ZNF385D: variants seen among roughly 807,000 people sequenced by gnomAD.
ZNF385D encodes the protein zinc finger protein 659.
In ZNF385D, 15 loss-of-function variants were observed where a neutral mutation model predicts 35.8. The ratio of observed to expected loss-of-function variants is 0.42; its 90% CI spans 0.28 to 0.64. The LOEUF is 0.64. Ranked by LOEUF, ZNF385D falls within the 30% of genes least tolerant of loss-of-function variation. The pLI is 0.23. For missense variants in ZNF385D, 474 were observed against 494.6 expected (o/e 0.96, Z 0.39); for synonymous variants, 212 against 186.8 (o/e 1.13, Z -1.10).
intron 2 of ZNF385D, among the ~76,000 whole-genome samples, chr3:21,625,980 G>T (rs2065124263): frequency 6.6e-6 from 1 of 151,904 alleles, no homozygotes; most frequent in South Asian, 2.1e-4. Flanking sequence ...TCTTCACTTT[G>T]TATCTCCACT....
intron 2 of ZNF385D, among the ~76,000 whole-genome samples, chr3:21,621,232 C>CA (rs1214892030): frequency 2.6e-5 from 4 of 151,968 alleles, no homozygotes; most frequent in African/African-American, 9.7e-5. Flanking sequence ...GTTAATGATG[C>CA]AAAAAATTAC....
In ZNF385D at chr3:22,109,822, G is replaced by A. The variant is rs144001219; in HGVS notation, c.325+58995C>T. On this transcript the variant is annotated intron_variant, in intron 3 of 5. Transcript: ENST00000494108. ...GAGCTTCTGCACAGCAAAAGAAACT[G>A]CCATCAGAGTGAACAGGCAGCGTAC... 4.5e-3 allele frequency among the ~76,000 whole-genome samples: 681 copies of A among 152,176 alleles called. 8 individuals carry two copies. The highest frequency in any genetic ancestry group is 0.015 in the African/African-American group (630 of 41,540).
intron 3 of ZNF385D, among the ~76,000 whole-genome samples, chr3:21,932,794 A>T (rs1215465474): frequency 6.6e-6 from 1 of 152,174 alleles, no homozygotes; most frequent in Non-Finnish European, 1.5e-5. Context: ...TACAGAATAA[A>T]AACAGCATAG....
chr3:22,095,177 T>G (rs938526182), intron 3 of ZNF385D, among the ~76,000 whole-genome samples: 11 of 151,012 alleles, frequency 7.3e-5, no homozygotes, highest in African/African-American at 2.7e-4. Flanking sequence ...TCAAGTAGTC[T>G]TGGTCTCCCA....
intron 3 of ZNF385D, among the ~76,000 whole-genome samples, chr3:21,980,496 C>G (rs1199920056): frequency 2.0e-5 from 3 of 152,128 alleles, no homozygotes; most frequent in East Asian, 1.9e-4. Flanking sequence ...TAAAACACAA[C>G]AACTCTTGGA....
At chr3:21,983,324 C>A (rs1240874546) in intron 3 of ZNF385D, among the ~76,000 whole-genome samples, 2 of 127,372 alleles carry the variant, frequency 1.6e-5, no homozygotes, top group Non-Finnish European at 3.3e-5. Context: ...CTCCCCCCAC[C>A]ACACCACAGT....
chr3:22,148,313 G>A (rs1361587152), intron 3 of ZNF385D, among the ~76,000 whole-genome samples: 1 of 152,156 alleles, frequency 6.6e-6, no homozygotes, highest in Non-Finnish European at 1.5e-5. Context: ...ACTTAAATAA[G>A]TTGTGTTATT....
At chr3:22,175,457 A>G (rs1014281996) in intron 2 of ZNF385D, among the ~76,000 whole-genome samples, 10 of 149,438 alleles carry the variant, frequency 6.7e-5, no homozygotes, top group Non-Finnish European at 1.5e-4. Context: ...AGAAAAAATG[A>G]GAAAAAAAAA....
chr3:22,117,112 C>A (rs1431986521), intron 3 of ZNF385D, among the ~76,000 whole-genome samples: 2 of 152,016 alleles, frequency 1.3e-5, no homozygotes, highest in Non-Finnish European at 2.9e-5. Flanking sequence ...GGAGTTCCCA[C>A]TGGTGAGGCT....
At chr3:22,005,056 CAAAAAAAAAAAA>C (rs71044965) in intron 3 of ZNF385D, among the ~76,000 whole-genome samples, 1 of 57,356 alleles carries the variant, frequency 1.7e-5, no homozygotes, top group Non-Finnish European at 3.2e-5. Context: ...CACTCAGCAG[CAAAAAAAAAAAA>C]AAAAAAAAAA....
At chr3:22,301,064 G>A (rs990439896) in intron 2 of ZNF385D, among the ~76,000 whole-genome samples, 3 of 151,942 alleles carry the variant, frequency 2.0e-5, no homozygotes, top group Non-Finnish European at 2.9e-5. Context: ...TAAAGAAAAC[G>A]TGTTCTACAT....
chr3:22,084,399 G>A (rs1028066708), intron 3 of ZNF385D, among the ~76,000 whole-genome samples: 21 of 151,676 alleles, frequency 1.4e-4, no homozygotes, highest in Admixed American at 2.6e-4. Context: ...CCAAGCAAAT[G>A]GAAAACAAAA....
chr3:21,481,148 A>G (rs577318208), intron 4 of ZNF385D, among the ~76,000 whole-genome samples: 3 of 152,206 alleles, frequency 2.0e-5, no homozygotes, highest in Non-Finnish European at 4.4e-5. Flanking sequence ...GATTTCTACT[A>G]TCATAACAAT....
chr3:21,780,082 C>T (rs568446762), intron 3 of ZNF385D, among the ~76,000 whole-genome samples: 1 of 151,976 alleles, frequency 6.6e-6, no homozygotes, highest in African/African-American at 2.4e-5. Flanking sequence ...ATAGTCCACA[C>T]CCACACAGAA....
At chr3:21,919,371 G>A (rs759073214) in intron 3 of ZNF385D, among the ~76,000 whole-genome samples, 1 of 152,166 alleles carries the variant, frequency 6.6e-6, no homozygotes, top group Non-Finnish European at 1.5e-5. Context: ...TGCCTTTCTA[G>A]GATGGAATGT....
intron 2 of ZNF385D, among the ~76,000 whole-genome samples, chr3:22,365,214 C>T (rs1009099595): frequency 2.0e-5 from 3 of 151,718 alleles, no homozygotes; most frequent in African/African-American, 7.3e-5. Flanking sequence ...CTGAGCGGTG[C>T]ACTTAAAATG....
chr3:22,035,899 AAAT>A (rs140120736), intron 3 of ZNF385D, among the ~76,000 whole-genome samples: 2,824 of 152,210 alleles, frequency 0.019, 98 homozygotes, highest in African/African-American at 0.065. Flanking sequence ...GCTTGCTGAT[AAAT>A]GATTAGGGAC....
At chr3:22,254,136 A>T (rs1700195997) in intron 2 of ZNF385D, among the ~76,000 whole-genome samples, 1 of 151,904 alleles carries the variant, frequency 6.6e-6, no homozygotes, top group Non-Finnish European at 1.5e-5. Flanking sequence ...CAGTTTCCTC[A>T]TGATCAGTTA....
At chr3:22,346,617 C>G (rs1695670451) in intron 2 of ZNF385D, among the ~76,000 whole-genome samples, 1 of 151,942 alleles carries the variant, frequency 6.6e-6, no homozygotes, top group Non-Finnish European at 1.5e-5. Context: ...TAATCTAAAC[C>G]CAGGCAGTGG....
Sources: gnomAD v4.1 joint callset for allele counts (sites outside exome capture counted in the v4.1 genomes callset) on GRCh38, gnomAD v4.1.1 for gene constraint, MANE v1.5 for transcripts, NCBI Gene and HGNC (gene_info 2026-07-23, HGNC 2026-07-21) for gene names.